KCNN1: variants seen among roughly 807,000 people sequenced by gnomAD.
KCNN1 encodes small conductance calcium-activated potassium channel protein 1.
KCNN1 carries 20 observed loss-of-function variants against 44.7 expected under a neutral mutation model. The ratio of observed to expected loss-of-function variants is 0.45; its 90% confidence interval spans 0.32 to 0.65. The LOEUF (loss-of-function observed/expected upper bound fraction) is 0.65, where lower values mean the gene tolerates loss of function less well. Among genes scored for constraint, KCNN1 ranks in the 30% least tolerant of loss-of-function variants. The pLI is 0.05. For synonymous variants in KCNN1, 324 were observed against 341.7 expected (o/e 0.95, Z 0.57); for missense variants, 632 against 785.3 (o/e 0.80, Z 2.33).
intron 5 of KCNN1, among the ~76,000 whole-genome samples, chr19:17,987,847 A>C (rs920340716): frequency 1.3e-5 from 2 of 150,896 alleles, no homozygotes; most frequent in African/African-American, 4.9e-5. Flanking sequence ...AAAAAAAAAA[A>C]AAAAAAAAAA....
chr19:17,975,349 G>T (rs2032172525), intron 3 of KCNN1, among the ~76,000 whole-genome samples, 162 bp downstream of exon 3: 1 of 152,126 alleles, frequency 6.6e-6, no homozygotes, highest in Admixed American at 6.5e-5. Flanking sequence ...CATCATTCTA[G>T]ATTTCCTTGA....
chr19:17,984,068 C>A (rs1248564775), intron 4 of KCNN1, among the ~76,000 whole-genome samples: 1 of 151,564 alleles, frequency 6.6e-6, no homozygotes, highest in Admixed American at 6.6e-5. Context: ...GAGGCTGAAG[C>A]AGGAGAATCG....
chr19:17,963,000 CTTTTTTTTTTT>C (rs71164332), upstream of KCNN1, among the ~76,000 whole-genome samples: 1 of 81,670 alleles, frequency 1.2e-5, no homozygotes, highest in East Asian at 4.3e-4. Flanking sequence ...CACGCCCAGG[CTTTTTTTTTTT>C]TTTTTTTTTT....
chr19:17,957,037 C>T (rs563937779), intron 2 of KCNN1, among the ~76,000 whole-genome samples: 98 of 142,024 alleles, frequency 6.9e-4, no homozygotes, highest in South Asian at 3.2e-3. Context: ...GGCGACAAAG[C>T]GAGACTGTCT....
chr19:17,980,228 ATTTTTTTTTTTTTTTTTTT>A (rs34810089), intron 3 of KCNN1, among the ~76,000 whole-genome samples: 2 of 44,534 alleles, frequency 4.5e-5, no homozygotes, highest in East Asian at 7.2e-4. Flanking sequence ...CACCTAGCTA[ATTTTTTTTTTTTTTTTTTT>A]TTTTTTTTTT....
Position 17,990,440 on chromosome 19 carries a change from C to T in KCNN1, c.1298+597C>T, listed in dbSNP as rs142827194. Among the ~76,000 whole-genome samples, 38 of 147,412 alleles carry T rather than the reference C, an allele frequency of 2.6e-4. 1 individual carries two copies. The East Asian group carries it at 3.8e-3, about 15-fold the overall frequency. On this transcript the variant is annotated intron_variant, in intron 7 of 9. Coordinates refer to ENST00000684775, the MANE Select transcript of KCNN1 (RefSeq NM_001386974.1). ...TCAAGGCTGCAGTGAGCCATGATTG[C>T]GCCACTGCACTCAGCTGGGTTACAA... is the stretch of plus-strand genomic sequence containing the variant.
At chr19:17,968,351 C>A (rs1262798208) in intron 1 of KCNN1, among the ~76,000 whole-genome samples, 1 of 150,870 alleles carries the variant, frequency 6.6e-6, no homozygotes, top group Admixed American at 6.6e-5. Context: ...TGGCATGAAG[C>A]TCTTACAGAC....
At chr19:17,959,670 T>C (rs1339090075) in intron 2 of KCNN1, among the ~76,000 whole-genome samples, 1 of 152,162 alleles carries the variant, frequency 6.6e-6, no homozygotes, top group African/African-American at 2.4e-5. Context: ...CCCAAAGTGC[T>C]AGGATTACAG....
At chr19:17,969,677 T>C (rs1237771061) in intron 1 of KCNN1, among the ~76,000 whole-genome samples, 1 of 152,208 alleles carries the variant, frequency 6.6e-6, no homozygotes, top group Non-Finnish European at 1.5e-5. Context: ...TGCATCTTCA[T>C]TGGTGCGTTT....
Position 17,974,677 on chromosome 19 carries a change from A to G in KCNN1, c.402+387A>G, listed in dbSNP as rs919077048. Among the ~76,000 whole-genome samples the G allele has an allele frequency of 1.3e-5, 2 of 152,122 alleles. No homozygotes were observed. The highest frequency in any genetic ancestry group is 2.1e-4 in the South Asian group (1 of 4,836). On this transcript the variant is annotated intron_variant, in intron 2 of 9. Transcript: ENST00000684775. The surrounding 1 kb of genome is among the most constrained non-coding windows in gnomAD (Gnocchi z 7.3). ...TGTGGGTTCCCTCATGCCACCTAGA[A>G]TGTGTGAGGATGGAGAGAGATCAGG...
chr19:17,981,928 C>T lies in KCNN1; in HGVS notation c.718C>T (p.Leu240=). 2 of 1,613,032 alleles carry T rather than the reference C, an allele frequency of 1.2e-6. No individual in the cohort carries two copies. The highest frequency in any genetic ancestry group is 1.7e-6 in the Non-Finnish European group (2 of 1,179,538). Residue 240 remains leucine (L), a synonymous_variant, in exon 4 of 10, where the codon CTG becomes TTG. Coordinates refer to ENST00000684775, the MANE Select transcript of KCNN1 (RefSeq NM_001386974.1). ...LSIPMFLRLY[L]LGRVMLLHSK... is the part of the protein sequence containing the mutation. ...CATCCCCATGTTCCTGCGCCTCTAC[C>T]TGCTGGGCCGGGTGATGCTACTGCA...
intron 1 of KCNN1, among the ~76,000 whole-genome samples, chr19:17,952,797 G>A (rs1426953691): frequency 6.6e-6 from 1 of 152,112 alleles, no homozygotes; most frequent in African/African-American, 2.4e-5. Context: ...AGCCTACTGT[G>A]CGCTGGGCTC....
Position 17,998,663 on chromosome 19 carries a change from C to T in KCNN1, c.*257C>T, listed in dbSNP as rs992752155. On this transcript the variant is annotated 3_prime_UTR_variant, in exon 10 of 10. Coordinates refer to ENST00000684775, the MANE Select transcript of KCNN1 (RefSeq NM_001386974.1). The surrounding 1 kb of genome is among the most constrained non-coding windows in gnomAD (Gnocchi z 5.4). Reference sequence around the variant, plus strand: ...GGCCCCCGGTGGGCATGGAGCAGCCCGGGGAGGGGTCCGTGCTGGTTCTGA... The same window carrying T: ...GGCCCCCGGTGGGCATGGAGCAGCCTGGGGAGGGGTCCGTGCTGGTTCTGA... The T allele has an allele frequency of 1.8e-5, 8 of 436,452 alleles. No individual in the cohort carries two copies. The highest frequency in any genetic ancestry group is 1.2e-3 in the Middle Eastern group (2 of 1,716). 27.0% of individuals were successfully genotyped at this position (436,452 alleles called of 1,614,324 possible).
chr19:17,988,648 T>G, intron 6 of KCNN1, 123 bp downstream of exon 6: 1 of 751,142 alleles, frequency 1.3e-6, no homozygotes, highest in East Asian at 2.8e-5. Flanking sequence ...TGCAGCCCCG[T>G]GTCAAGACTG....
Position 17,974,963 on chromosome 19 carries a change from G to A in KCNN1, c.403-129G>A. On this transcript the variant is annotated intron_variant, in intron 2 of 9. Coordinates refer to ENST00000684775, the MANE Select transcript of KCNN1 (RefSeq NM_001386974.1). This position sits in a 1 kb window ranked among gnomAD's most constrained non-coding sequence, Gnocchi z 7.3. ...GGAACTAGCAGAAATTCAGGGTACA[G>A]TGGGAGAAGCCACTGGGAAGAGCCC... 1.5e-6 allele frequency: 1 copy of A among 686,560 alleles called. No individual in the cohort carries two copies. Among genetic ancestry groups the A allele is most frequent in the Non-Finnish European group, 2.6e-6 (1 of 384,788 alleles). The allele number at this position is 686,560 out of a possible 1,614,324, so 42.5% of individuals were successfully genotyped here.
At chr19:17,987,406 G>A (rs76657538) in intron 5 of KCNN1, among the ~76,000 whole-genome samples, 26,596 of 152,130 alleles carry the variant, frequency 0.17, 2,466 homozygotes, top group East Asian at 0.33. Flanking sequence ...CACTGCACCT[G>A]GTCCGTGTCT....
chr19:17,970,672 C>T (rs1366408113), intron 1 of KCNN1, among the ~76,000 whole-genome samples: 4 of 151,568 alleles, frequency 2.6e-5, no homozygotes, highest in East Asian at 1.9e-4. Flanking sequence ...GTGATCTACC[C>T]GCCTCAGCCT....
intron 2 of KCNN1, among the ~76,000 whole-genome samples, chr19:17,961,010 A>T (rs890280488): frequency 2.0e-5 from 3 of 151,880 alleles, no homozygotes; most frequent in South Asian, 2.1e-4. Flanking sequence ...ACATGGTGAA[A>T]CCCCGTCTCT....
intron 4 of KCNN1, 26 bp from the exon 5 acceptor site, chr19:17,985,286 C>A (rs756352689): frequency 1.3e-6 from 2 of 1,568,116 alleles, no homozygotes; most frequent in East Asian, 2.3e-5. Flanking sequence ...ACTGAGCCCT[C>A]CCTCTTCCCA....
Sources: allele counts gnomAD v4.1 joint callset (sites outside exome capture counted in the v4.1 genomes callset), GRCh38; gene constraint gnomAD v4.1.1; non-coding constraint Gnocchi (gnomAD v3.1); transcripts MANE v1.5; gene names NCBI Gene and HGNC (gene_info 2026-07-23, HGNC 2026-07-21).